NCOR2: variants seen among roughly 807,000 people sequenced by gnomAD.
NCOR2 encodes the protein CTG repeat protein 26.
NCOR2 carries 81 observed loss-of-function variants against 262.9 expected under a neutral mutation model. The observed-to-expected ratio is 0.31, with a 90% CI of 0.26 to 0.37. The LOEUF is 0.37. Ranked by LOEUF, NCOR2 falls within the 10% of genes least tolerant of loss-of-function variation. The pLI, the probability that NCOR2 is intolerant of heterozygous loss-of-function variation, is 1.00. For missense variants in NCOR2, 3,385 were observed against 3,621.4 expected, an observed-to-expected ratio of 0.93 and a Z score of 1.68; for synonymous variants, 1,659 against 1,559.3, an observed-to-expected ratio of 1.06 and a Z score of -1.51.
At chr12:124,365,377 C>T (rs1181345537) in intron 20 of NCOR2, among the ~76,000 whole-genome samples, 2 of 152,230 alleles carry the variant, frequency 1.3e-5, no homozygotes, top group Non-Finnish European at 2.9e-5. Context: ...CACACCACCC[C>T]AGTCCCCAGC....
chr12:124,380,083 A>G (rs990728828), intron 17 of NCOR2, among the ~76,000 whole-genome samples: 6 of 152,228 alleles, frequency 3.9e-5, no homozygotes, highest in African/African-American at 7.2e-5. Flanking sequence ...GCCAGGGGGA[A>G]TCACACATCC....
intron 1 of NCOR2, among the ~76,000 whole-genome samples, chr12:124,561,418 G>A (rs1170852959): frequency 1.3e-5 from 2 of 152,340 alleles, no homozygotes; most frequent in South Asian, 2.1e-4. Context: ...AGAATGGAAG[G>A]AGACTCCCCC....
intron 6 of NCOR2, among the ~76,000 whole-genome samples, chr12:124,456,007 C>G (rs987994977): frequency 2.0e-5 from 3 of 152,222 alleles, no homozygotes; most frequent in Non-Finnish European, 2.9e-5. Flanking sequence ...TCCCAAGTAG[C>G]TGGGACGAAA....
chr12:124,566,808 C>G lies in NCOR2; in HGVS notation c.-165+500G>C, dbSNP rs746990046. On this transcript the variant is annotated intron_variant, in intron 1 of 32. Coordinates refer to the NCOR2 transcript ENST00000458234. The surrounding 1 kb of genome is among the most constrained non-coding windows in gnomAD (Gnocchi z 4.3). ...ACGCCTAGGAGGGACAAGGCTGGCT[C>G]TCCCCCTCGGCTGGTGAGAGACCCT... 6.6e-6 allele frequency among the ~76,000 whole-genome samples: 1 copy of G among 152,188 alleles called. No homozygotes were observed. Among genetic ancestry groups the G allele is most frequent in the Non-Finnish European group, 1.5e-5 (1 of 68,010 alleles).
intron 6 of NCOR2, among the ~76,000 whole-genome samples, chr12:124,453,738 C>T (rs1392427738): frequency 1.3e-5 from 2 of 152,240 alleles, no homozygotes; most frequent in East Asian, 1.9e-4. Context: ...TGACTCAAAG[C>T]GGCAGAGAGG....
chr12:124,402,633 C>A (rs1368768414), intron 13 of NCOR2, 72 bp from the exon 16 acceptor site: 1 of 1,537,944 alleles, frequency 6.5e-7, no homozygotes, highest in African/African-American at 1.4e-5. Flanking sequence ...ATCTCTGCAC[C>A]TGGGCTCAGC....
intron 17 of NCOR2, among the ~76,000 whole-genome samples, chr12:124,382,958 G>A (rs905157898): frequency 5.9e-5 from 9 of 152,138 alleles, no homozygotes; most frequent in Admixed American, 4.6e-4. Context: ...GTCACTAAGC[G>A]GCAGAGCTGG....
Position 124,457,929 on chromosome 12 carries a change from G to A in NCOR2, c.706-767C>T, listed in dbSNP as rs1331059861. ...AGCCCAGGCCAGCCGGGTACAGGGA[G>A]GTGGGGGGCGGAGGGGCTCCTGAAG... On this transcript the variant is annotated intron_variant, in intron 5 of 46. Transcript: ENST00000405201. The surrounding 1 kb of genome is among the most constrained non-coding windows in gnomAD (Gnocchi z 4.0). Among the ~76,000 whole-genome samples the A allele has an allele frequency of 6.6e-6, 1 of 152,234 alleles. No individual in the cohort carries two copies. Among genetic ancestry groups the A allele is most frequent in the Non-Finnish European group, 1.5e-5 (1 of 68,038 alleles).
chr12:124,330,927 C>A, intron 43 of NCOR2, 29 bp from the exon 46 acceptor site: 1 of 1,566,898 alleles, frequency 6.4e-7, no homozygotes, highest in Admixed American at 1.9e-5. Flanking sequence ...GTGGGTGAGG[C>A]CCCCAGGTCT....
At position 124,398,654 on chromosome 12, in the gene NCOR2, T is replaced by C. The variant is rs576179814; in HGVS notation, c.1814-473A>G. Among the ~76,000 whole-genome samples the C allele has an allele frequency of 3.9e-5, 6 of 152,344 alleles. No individual in the cohort carries two copies. The South Asian group carries it at 1.2e-3, about 32-fold the overall frequency. On this transcript the variant is annotated intron_variant, in intron 15 of 46. Coordinates refer to ENST00000405201, the Ensembl canonical transcript of NCOR2. ...TCTCGGAGCCCAGCTCTTCTATTAC[T>C]GTGGGGCTGTCCCATCACGGCAGGA...
chr12:124,432,192 C>A lies in NCOR2; in HGVS notation c.883-1405G>T, dbSNP rs1347662394. On this transcript the variant is annotated intron_variant, in intron 8 of 46. Coordinates refer to ENST00000405201, the Ensembl canonical transcript of NCOR2. The surrounding 1 kb of genome is among the most constrained non-coding windows in gnomAD (Gnocchi z 5.1). ...CTCGCAGGCAGACATGATGGACACA[C>A]ATACACAGAGTCACACATGTAGACA... Among the ~76,000 whole-genome samples the A allele has an allele frequency of 6.6e-6, 1 of 151,978 alleles. No individual in the cohort carries two copies. The highest frequency in any genetic ancestry group is 2.4e-5 in the African/African-American group (1 of 41,350).
At chr12:124,330,964 C>T (rs757419488) in intron 43 of NCOR2, 66 bp from the exon 46 acceptor site, 52 of 1,522,238 alleles carry the variant, frequency 3.4e-5, no homozygotes, top group African/African-American at 6.9e-5. Context: ...CTACCAGTCC[C>T]GTGTGGTCCA....
chr12:124,545,850 C>G (rs1291990592), intron 1 of NCOR2, among the ~76,000 whole-genome samples: 1 of 152,182 alleles, frequency 6.6e-6, no homozygotes, highest in Non-Finnish European at 1.5e-5. Flanking sequence ...TGGGGACCCT[C>G]TCTGGGCCCG....
intron 13 of NCOR2, among the ~76,000 whole-genome samples, chr12:124,416,772 A>G (rs3825118): frequency 1.6e-3 from 203 of 125,438 alleles, no homozygotes; most frequent in Middle Eastern, 5.6e-3. Flanking sequence ...GAGTCCCCGC[A>G]GCACAGATAG....
chr12:124,415,515 G>C (rs925377368), intron 13 of NCOR2, among the ~76,000 whole-genome samples: 2 of 152,260 alleles, frequency 1.3e-5, no homozygotes, highest in African/African-American at 2.4e-5. Flanking sequence ...GGCCTGTGGG[G>C]GGTGGCAGGG....
intron 16 of NCOR2, among the ~76,000 whole-genome samples, chr12:124,386,295 C>T (rs2040801039): frequency 1.3e-5 from 2 of 152,090 alleles, no homozygotes; most frequent in African/African-American, 4.8e-5. Context: ...GCCTACGTGA[C>T]CCAGCCCTGA....
intron 16 of NCOR2, among the ~76,000 whole-genome samples, chr12:124,397,425 G>A (rs2136181994): frequency 6.6e-6 from 1 of 152,282 alleles, no homozygotes; most frequent in South Asian, 2.1e-4. Flanking sequence ...AGCTGAGAGG[G>A]GATCCGGCTT....
chr12:124,343,352 C>A, intron 32 of NCOR2, 126 bp from the exon 35 acceptor site: 2 of 700,882 alleles, frequency 2.9e-6, no homozygotes, highest in South Asian at 4.2e-5. Flanking sequence ...TTCTTCATTG[C>A]CTTAGTTCAC....
In NCOR2 at chr12:124,481,622, G is replaced by A. The variant is rs113517386; in HGVS notation, c.411+1974C>T. ...GCCTGGCGTGTTTGAGGAACTCCAG[G>A]GTGGCCTGGGAGGCTGTACGTGAGC... On this transcript the variant is annotated intron_variant, in intron 3 of 46. Coordinates refer to ENST00000405201, the Ensembl canonical transcript of NCOR2. The surrounding 1 kb of genome is among the most constrained non-coding windows in gnomAD (Gnocchi z 4.6). 7.9e-5 allele frequency among the ~76,000 whole-genome samples: 12 copies of A among 152,334 alleles called. No individual in the cohort carries two copies. Among genetic ancestry groups the A allele is most frequent in the Non-Finnish European group, 1.2e-4 (8 of 68,014 alleles).
Sources: allele counts gnomAD v4.1 joint callset (sites outside exome capture counted in the v4.1 genomes callset), GRCh38; gene constraint gnomAD v4.1.1; non-coding constraint Gnocchi (gnomAD v3.1); transcripts MANE v1.5; gene names NCBI Gene and HGNC (gene_info 2026-07-23, HGNC 2026-07-21).